The following PCDHGB2 variants were observed in gnomAD, a reference collection of about 807,000 sequenced individuals.
PCDHGB2 encodes the protein protocadherin gamma-B2.
In PCDHGB2, 55 loss-of-function variants were observed where a neutral mutation model predicts 59.3. The ratio of observed to expected loss-of-function variants is 0.93; its 90% confidence interval spans 0.75 to 1.16. PCDHGB2 has a LOEUF of 1.16. Ranked by LOEUF, PCDHGB2 falls within the 50% of genes most tolerant of loss-of-function variation. The pLI is 0.00. For synonymous variants in PCDHGB2, 516 were observed against 512.0 expected (o/e 1.01, Z -0.11); for missense variants, 1,228 against 1,198.5 (o/e 1.02, Z -0.36).
Position 141,362,394 on chromosome 5 carries a change from C to A in PCDHGB2, c.2259C>A (p.Asn753Lys), listed in dbSNP as rs1762476605. The A allele has an allele frequency of 6.2e-7, 1 of 1,613,932 alleles. No homozygotes were observed. Among genetic ancestry groups the A allele is most frequent in the Non-Finnish European group, 8.5e-7 (1 of 1,179,910 alleles). Residue 753 changes from asparagine (N) to lysine (K), a missense_variant, in exon 1 of 4, where the codon AAC becomes AAA. This residue lies in a region of PCDHGB2 where 433 missense variants were observed against 441.8 expected (regional missense o/e 0.98). Coordinates refer to ENST00000522605, the MANE Select transcript of PCDHGB2 (RefSeq NM_018923.3). The part of the protein sequence containing the change: ...YSEGTLPYSY[N>K]LCVASQSAKT... ...AGGGTACATTGCCCTATTCCTACAA[C>A]CTGTGTGTTGCCTCACAATCAGCCA...
chr5:141,444,893 G>T (rs1238224263), intron 1 of PCDHGB2, among the ~76,000 whole-genome samples: 1 of 152,160 alleles, frequency 6.6e-6, no homozygotes, highest in Admixed American at 6.5e-5. Flanking sequence ...TTTTGAATGG[G>T]ATGGCATTGC....
In PCDHGB2 at chr5:141,360,682, A is replaced by G; in HGVS notation, c.547A>G (p.Lys183Glu). Reference protein sequence around the residue: ...NDNEYFDLAEKQTPDGRKYPE... With the variant: ...NDNEYFDLAEEQTPDGRKYPE... The stretch of plus-strand genomic sequence containing the variant: ...CAACGAGTACTTTGATCTCGCTGAG[A>G]AACAGACTCCAGATGGTCGTAAATA... Residue 183 changes from lysine to glutamate, a missense_variant, in exon 1 of 4, where the codon AAA becomes GAA. By Grantham distance (56) the Lys-to-Glu change is moderately conservative (BLOSUM62 1). Around this residue, in one of 3 missense-constraint regions of PCDHGB2, gnomAD observed 781 missense variants for 721.6 expected, o/e 1.08. Coordinates refer to ENST00000522605, the MANE Select transcript of PCDHGB2 (RefSeq NM_018923.3). 1.2e-6 allele frequency: 2 copies of G among 1,614,012 alleles called. No individual in the cohort carries two copies. Among genetic ancestry groups the G allele is most frequent in the Non-Finnish European group, 1.7e-6 (2 of 1,179,904 alleles).
rs1369501221 is a variant in PCDHGB2 at position 141,493,257 on chromosome 5, A to G, written c.2422-1550A>G. On this transcript the variant is annotated intron_variant, in intron 1 of 3. Coordinates refer to ENST00000522605, the MANE Select transcript of PCDHGB2 (RefSeq NM_018923.3). The surrounding 1 kb of genome is among the most constrained non-coding windows in gnomAD (Gnocchi z 4.3). ...GGCTAGGTACTAACATGCCTCTCTT[A>G]TAACAGCTTCACAGAGGTCAAGTGA... Among the ~76,000 whole-genome samples the G allele has an allele frequency of 6.6e-6, 1 of 152,190 alleles. No individual in the cohort carries two copies. Among genetic ancestry groups the G allele is most frequent in the South Asian group, 2.1e-4 (1 of 4,830 alleles).
chr5:141,485,676 G>A lies in PCDHGB2; in HGVS notation c.2422-9131G>A. The A allele has an allele frequency of 6.2e-7, 1 of 1,612,928 alleles. No individual in the cohort carries two copies. The highest frequency in any genetic ancestry group is 2.2e-5 in the East Asian group (1 of 44,848). On this transcript the variant is annotated intron_variant, in intron 1 of 3. Coordinates refer to ENST00000522605, the MANE Select transcript of PCDHGB2 (RefSeq NM_018923.3). This position sits in a 1 kb window ranked among gnomAD's most constrained non-coding sequence, Gnocchi z 5.7. ...GCAGATGTGGGGAGCAATTCGATTA[G>A]CAGCTATAGGCTGAGCTCCAATGAA...
chr5:141,432,416 C>T lies in PCDHGB2; in HGVS notation c.2422-62391C>T. 4 of 1,614,258 alleles carry T rather than the reference C, an allele frequency of 2.5e-6. No individual in the cohort carries two copies. Among genetic ancestry groups the T allele is most frequent in the Non-Finnish European group, 3.4e-6 (4 of 1,180,048 alleles). ...CAACGTGTCGTTGAGCCTGTTCGTG[C>T]TGGACCAGAACGACAATGCGCCCGA... On this transcript the variant is annotated intron_variant, in intron 1 of 3. Coordinates refer to ENST00000522605, the MANE Select transcript of PCDHGB2 (RefSeq NM_018923.3). The surrounding 1 kb of genome is among the most constrained non-coding windows in gnomAD (Gnocchi z 6.0).
At chr5:141,393,718 C>A in intron 1 of PCDHGB2, 2 of 1,613,644 alleles carry the variant, frequency 1.2e-6, no homozygotes, top group Non-Finnish European at 1.7e-6. Flanking sequence ...GGGGAAATAT[C>A]AATAGCAAAA....
At chr5:141,408,055 C>CCGG in intron 1 of PCDHGB2, 1 of 1,299,130 alleles carries the variant, frequency 7.7e-7, no homozygotes, top group South Asian at 1.6e-5. Flanking sequence ...ACAGAGCCTC[C>CCGG]CGGCTGCGCA....
chr5:141,385,200 C>T (rs776177043), intron 1 of PCDHGB2: 3 of 1,614,214 alleles, frequency 1.9e-6, no homozygotes, highest in Non-Finnish European at 1.7e-6. Context: ...GGAAGAGTCA[C>T]CTGATCTTCC....
chr5:141,450,220 G>A (rs898186696), intron 1 of PCDHGB2, among the ~76,000 whole-genome samples: 12 of 151,956 alleles, frequency 7.9e-5, no homozygotes, highest in African/African-American at 2.9e-4. Flanking sequence ...GTTTCACTAT[G>A]TTGGCCAGGC....
At chr5:141,442,253 G>A (rs910914393) in intron 1 of PCDHGB2, 2 of 153,064 alleles carry the variant, frequency 1.3e-5, no homozygotes, top group Non-Finnish European at 2.9e-5. Flanking sequence ...TGCATTGTTT[G>A]TGCTGGTTTT....
At chr5:141,383,473 C>G (rs764928203) in intron 1 of PCDHGB2, 2 of 1,613,686 alleles carry the variant, frequency 1.2e-6, no homozygotes, top group South Asian at 1.1e-5. Flanking sequence ...AACTAAGTAC[C>G]CGGAACTGGT....
intron 1 of PCDHGB2, among the ~76,000 whole-genome samples, chr5:141,437,716 C>T (rs575174227): frequency 1.2e-4 from 18 of 151,782 alleles, no homozygotes; most frequent in Admixed American, 1.0e-3. Flanking sequence ...CACAGTTACC[C>T]TCTAATGTTA....
intron 1 of PCDHGB2, chr5:141,413,082 A>C: frequency 3.7e-6 from 5 of 1,344,442 alleles, no homozygotes; most frequent in Non-Finnish European, 5.1e-6. Context: ...CCCAGGCTAC[A>C]GAGACACCCT....
chr5:141,393,393 C>G (rs1244010216), intron 1 of PCDHGB2: 2 of 1,613,900 alleles, frequency 1.2e-6, no homozygotes, highest in African/African-American at 1.3e-5. Context: ...AAACCCAGAG[C>G]TGGTGCTGGA....
chr5:141,449,283 A>C (rs937339676), intron 1 of PCDHGB2, among the ~76,000 whole-genome samples: 1 of 152,102 alleles, frequency 6.6e-6, no homozygotes, highest in African/African-American at 2.4e-5. Flanking sequence ...CTTCACCCGG[A>C]TGCACCGGGT....
chr5:141,418,270 A>T, intron 1 of PCDHGB2: 1 of 1,614,052 alleles, frequency 6.2e-7, no homozygotes. Context: ...GGAAAGATGA[A>T]ATAAACTTAG....
At chr5:141,421,720 G>A (rs372813759) in intron 1 of PCDHGB2, 4 of 1,613,788 alleles carry the variant, frequency 2.5e-6, no homozygotes, top group Non-Finnish European at 3.4e-6. Context: ...AGATGTGGGC[G>A]TGAACTCCCT....
intron 1 of PCDHGB2, among the ~76,000 whole-genome samples, chr5:141,451,611 G>C (rs1004906441): frequency 6.6e-6 from 1 of 152,166 alleles, no homozygotes; most frequent in Admixed American, 6.5e-5. Context: ...GCTAGGCATG[G>C]TGGCTCAAAC....
rs762530904 is a variant in PCDHGB2, at chr5:141,422,966, C to T, written c.2421+60410C>T. The T allele has an allele frequency of 2.5e-6, 4 of 1,614,112 alleles. No individual in the cohort carries two copies. The East Asian group carries it at 8.9e-5, about 36-fold the overall frequency. ...GGCTCCACTGGCGTGGAGCTGGCGC[C>T]CCGCTCTGCGGAACCTGGCTACCTG... On this transcript the variant is annotated intron_variant, in intron 1 of 3. Coordinates refer to ENST00000522605, the MANE Select transcript of PCDHGB2 (RefSeq NM_018923.3).
Sources: gnomAD v4.1 joint callset for allele counts (sites outside exome capture counted in the v4.1 genomes callset) on GRCh38, gnomAD v4.1.1 for gene constraint, gnomAD v4.1.1 regional missense constraint, Gnocchi (gnomAD v3.1) non-coding constraint, MANE v1.5 for transcripts, NCBI Gene and HGNC (gene_info 2026-07-23, HGNC 2026-07-21) for gene names.